The following KLF13 variants were observed in gnomAD, a reference collection of about 807,000 sequenced individuals.
KLF13 encodes Krueppel-like factor 13.
A neutral mutation model predicts 16.7 loss-of-function variants in KLF13; 8 were observed. That is an observed-to-expected ratio of 0.48 (90% CI 0.28 to 0.87). KLF13 has a LOEUF of 0.87. KLF13 is among the 40% of genes least tolerant of loss of function. The pLI is 0.10. For synonymous variants in KLF13, 245 were observed against 208.4 expected (o/e 1.18, Z -1.51); for missense variants, 447 against 452.2 (o/e 0.99, Z 0.10).
chr15:31,427,430 T>C (rs1199573825), intron 1 of KLF13, among the ~76,000 whole-genome samples: 2 of 152,074 alleles, frequency 1.3e-5, no homozygotes, highest in Non-Finnish European at 2.9e-5. Flanking sequence ...AAATTAAAAA[T>C]AGAAGTATCA....
chr15:31,396,864 C>G (rs10851546), intron 2 of KLF13, among the ~76,000 whole-genome samples: 1 of 152,254 alleles, frequency 6.6e-6, no homozygotes, highest in East Asian at 1.9e-4. Context: ...AGGGATGTTA[C>G]AGTCTTTGTT....
chr15:31,327,377 TA>T lies in KLF13; in HGVS notation c.167del (p.Lys56ArgfsTer13). ...LPRVEERRDG[K>X]DSASLFVVAR... The stretch of plus-strand genomic sequence containing the variant: ...CCCGCGTCGAGGAGCGCCGCGACGG[TA>T]AGGACAGCGCCTCGCTCTTCGTGGT... On this transcript the variant is annotated frameshift_variant, in exon 1 of 2. Transcript: ENST00000307145. LOFTEE classifies it high-confidence loss of function. The T allele has an allele frequency of 7.8e-7, 1 of 1,283,876 alleles. No homozygotes were observed. The allele number at this position is 1,283,876 out of a possible 1,614,324, so 79.5% of individuals were successfully genotyped here.
At chr15:31,388,378 G>A (rs567464380), upstream of KLF13, among the ~76,000 whole-genome samples, 4 of 152,224 alleles carry the variant, frequency 2.6e-5, no homozygotes, top group South Asian at 6.2e-4. Context: ...TTGGGAGGCT[G>A]AGGAGGGCAG....
chr15:31,380,200 G>A (rs992699193), downstream of KLF13, among the ~76,000 whole-genome samples: 2 of 152,196 alleles, frequency 1.3e-5, no homozygotes, highest in South Asian at 2.1e-4. Flanking sequence ...GCTGAGGCAG[G>A]AGAATCGTTT....
chr15:31,357,828 G>C (rs1042158840), intron 1 of KLF13, among the ~76,000 whole-genome samples: 1 of 152,152 alleles, frequency 6.6e-6, no homozygotes, highest in Non-Finnish European at 1.5e-5. Context: ...CCCCGCCAGA[G>C]ACTCCCGAGC....
At position 31,376,288 on chromosome 15, in the gene KLF13, C is replaced by CTG. The variant is rs1254795411; in HGVS notation, c.*3995_*3996dup. 8.2e-6 allele frequency: 1 copy of CTG among 122,002 alleles called. No individual in the cohort carries two copies. Among genetic ancestry groups the CTG allele is most frequent in the Non-Finnish European group, 1.8e-5 (1 of 55,648 alleles). The allele number at this position is 122,002 out of a possible 1,614,324, so 7.6% of individuals were successfully genotyped here. A position where few individuals can be genotyped will look rare whatever the true frequency, so the allele number is the denominator to read the frequency against. On this transcript the variant is annotated 3_prime_UTR_variant, in exon 2 of 2. Transcript: ENST00000307145. The stretch of plus-strand genomic sequence containing the variant: ...CTTGTTTCTCCGCTTCTGGTTGTGG[C>CTG]TGTGTGTACAGGGCTACCTATTTTG...
chr15:31,428,530 C>T (rs563495602), intron 1 of KLF13, among the ~76,000 whole-genome samples: 8 of 152,072 alleles, frequency 5.3e-5, no homozygotes, highest in East Asian at 3.9e-4. Context: ...GGACCGGCCG[C>T]GGGCGGTGGC....
At chr15:31,407,830 G>A (rs375148173), downstream of KLF13, among the ~76,000 whole-genome samples, 3 of 152,038 alleles carry the variant, frequency 2.0e-5, no homozygotes, top group South Asian at 4.1e-4. Flanking sequence ...TAAAGCCTTT[G>A]GAAACATTTT....
intron 1 of KLF13, among the ~76,000 whole-genome samples, chr15:31,413,043 C>T (rs926129518): frequency 1.2e-4 from 19 of 152,078 alleles, no homozygotes; most frequent in African/African-American, 4.6e-4. Context: ...CATCAATGCC[C>T]CAGGGCACTC....
intron 1 of KLF13, among the ~76,000 whole-genome samples, chr15:31,341,382 G>A (rs1276573155): frequency 6.6e-6 from 1 of 152,084 alleles, no homozygotes; most frequent in African/African-American, 2.4e-5. Context: ...GGTAAGTGGT[G>A]ATTAACTTGC....
intron 1 of KLF13, among the ~76,000 whole-genome samples, chr15:31,356,759 G>A (rs2039306679): frequency 6.6e-6 from 1 of 152,206 alleles, no homozygotes; most frequent in Non-Finnish European, 1.5e-5. Flanking sequence ...GGAGAAGACT[G>A]AAGCTTTTCT....
downstream of KLF13, among the ~76,000 whole-genome samples, chr15:31,380,298 CAAAT>C (rs1401798527): frequency 1.3e-5 from 2 of 152,176 alleles, no homozygotes; most frequent in Non-Finnish European, 2.9e-5. Flanking sequence ...GTCTCAAAAA[CAAAT>C]AAATTAATAA....
downstream of KLF13, among the ~76,000 whole-genome samples, chr15:31,378,113 A>G (rs564290753): frequency 3.3e-4 from 51 of 152,248 alleles, no homozygotes; most frequent in Non-Finnish European, 6.3e-4. Flanking sequence ...ATGGGAAGCT[A>G]TTTCAGCTCT....
intron 1 of KLF13, among the ~76,000 whole-genome samples, chr15:31,333,127 T>C (rs1214913024): frequency 2.6e-5 from 4 of 151,406 alleles, no homozygotes; most frequent in Non-Finnish European, 5.9e-5. Flanking sequence ...GGGCCAGGCA[T>C]CATTCTGTTT....
At chr15:31,381,340 C>G (rs1286214845), downstream of KLF13, among the ~76,000 whole-genome samples, 1 of 152,042 alleles carries the variant, frequency 6.6e-6, no homozygotes, top group African/African-American at 2.4e-5. Flanking sequence ...CTGCTTCCTT[C>G]TGGAGTCTTG....
At chr15:31,419,542 G>A (rs1168645238) in intron 1 of KLF13, among the ~76,000 whole-genome samples, 2 of 152,104 alleles carry the variant, frequency 1.3e-5, no homozygotes, top group Non-Finnish European at 2.9e-5. Flanking sequence ...TTCGCTAGAA[G>A]GGTTCAATAG....
chr15:31,349,819 C>A (rs2039187860), intron 1 of KLF13, among the ~76,000 whole-genome samples: 1 of 152,196 alleles, frequency 6.6e-6, no homozygotes, highest in African/African-American at 2.4e-5. Context: ...GGGTTCACAG[C>A]TTCCAGGTCC....
chr15:31,434,443 G>A (rs1263406607), intron 1 of KLF13, among the ~76,000 whole-genome samples: 2 of 152,196 alleles, frequency 1.3e-5, no homozygotes, highest in East Asian at 3.9e-4. Flanking sequence ...CCCCAAGGGA[G>A]GTTCGAATCA....
At chr15:31,394,711 C>T (rs575710133) in intron 2 of KLF13, among the ~76,000 whole-genome samples, 1 of 152,170 alleles carries the variant, frequency 6.6e-6, no homozygotes, top group East Asian at 1.9e-4. Flanking sequence ...AATCCATTGG[C>T]CTTTAGTATA....
Sources: allele counts gnomAD v4.1 joint callset (sites outside exome capture counted in the v4.1 genomes callset), GRCh38; gene constraint gnomAD v4.1.1; transcripts MANE v1.5; gene names NCBI Gene and HGNC (gene_info 2026-07-23, HGNC 2026-07-21).